SLC35F3: variants seen among roughly 807,000 people sequenced by gnomAD.
SLC35F3 encodes solute carrier family 35 member F3.
SLC35F3 carries 25 observed loss-of-function variants against 49.9 expected under a neutral mutation model. The observed-to-expected ratio is 0.50, with a 90% CI of 0.37 to 0.70. SLC35F3 has a LOEUF of 0.70. SLC35F3 is among the 30% of genes least tolerant of loss of function. SLC35F3 has a pLI of 0.00. For synonymous variants in SLC35F3, 275 were observed against 265.4 expected (o/e 1.04, Z -0.35); for missense variants, 525 against 639.8 (o/e 0.82, Z 1.94).
At chr1:234,201,871 C>A (rs1666904274) in intron 2 of SLC35F3, among the ~76,000 whole-genome samples, 1 of 148,608 alleles carries the variant, frequency 6.7e-6, no homozygotes, top group African/African-American at 2.5e-5. Context: ...CGAGACTGCG[C>A]CACTGCACTC....
At chr1:234,177,384 C>A (rs1666491891) in intron 2 of SLC35F3, among the ~76,000 whole-genome samples, 2 of 152,228 alleles carry the variant, frequency 1.3e-5, no homozygotes, top group African/African-American at 4.8e-5. Context: ...CATAAATACT[C>A]CTAAGAGGGA....
intron 2 of SLC35F3, among the ~76,000 whole-genome samples, chr1:233,931,803 A>G (rs1183655378): frequency 6.6e-6 from 1 of 152,252 alleles, no homozygotes; most frequent in Non-Finnish European, 1.5e-5. Flanking sequence ...GTATATACCC[A>G]AAGGATTATA....
chr1:234,091,920 G>A (rs2102877698), intron 2 of SLC35F3, among the ~76,000 whole-genome samples: 1 of 152,310 alleles, frequency 6.6e-6, no homozygotes, highest in South Asian at 2.1e-4. Flanking sequence ...CTACCTGCTT[G>A]GAGGCAGAAG....
rs186934186 is a variant in SLC35F3 at position 234,306,251 on chromosome 1, C to G, written c.609-2850C>G. Reference sequence around the variant, plus strand: ...TCTCAGCTCACTGCAACCTCCGCCTCCCGGGTTCAAGTGATTCTCCTGCCT... The same window carrying G: ...TCTCAGCTCACTGCAACCTCCGCCTGCCGGGTTCAAGTGATTCTCCTGCCT... On this transcript the variant is annotated intron_variant, in intron 3 of 7. Coordinates refer to ENST00000366618, the MANE Select transcript of SLC35F3 (RefSeq NM_173508.4). Among the ~76,000 whole-genome samples the G allele has an allele frequency of 4.7e-3, 721 of 152,274 alleles. 6 individuals are homozygous for G. The highest frequency in any genetic ancestry group is 0.015 in the African/African-American group (636 of 41,552).
chr1:234,204,960 T>G (rs1201591678), intron 2 of SLC35F3, among the ~76,000 whole-genome samples: 5 of 152,256 alleles, frequency 3.3e-5, no homozygotes, highest in African/African-American at 1.2e-4. Flanking sequence ...TCTCTCTCCC[T>G]TTTTCCTGCA....
Position 234,214,644 on chromosome 1 carries a change from G to A in SLC35F3, c.284-16773G>A, listed in dbSNP as rs920453178. 27 of 1,475,360 alleles carry A rather than the reference G, an allele frequency of 1.8e-5. No individual in the cohort carries two copies. The highest frequency in any genetic ancestry group is 1.7e-4 in the Middle Eastern group (1 of 5,778). 91.4% of individuals were successfully genotyped at this position (1,475,360 alleles called of 1,614,324 possible). A position where few individuals can be genotyped will look rare whatever the true frequency, so the allele number is the denominator to read the frequency against. Reference sequence around the variant, plus strand: ...GGGGAATGCTGCCACCCTGAGGGGGGCTGTCTGGCTGCGGGGCGCCGGGGC... The same window carrying A: ...GGGGAATGCTGCCACCCTGAGGGGGACTGTCTGGCTGCGGGGCGCCGGGGC... On this transcript the variant is annotated intron_variant, in intron 2 of 7. Coordinates refer to ENST00000366618, the MANE Select transcript of SLC35F3 (RefSeq NM_173508.4). The surrounding 1 kb of genome is among the most constrained non-coding windows in gnomAD (Gnocchi z 8.0).
chr1:233,961,613 C>T (rs1332346990), intron 2 of SLC35F3, among the ~76,000 whole-genome samples: 1 of 152,042 alleles, frequency 6.6e-6, no homozygotes, highest in East Asian at 1.9e-4. Context: ...CACACCACCA[C>T]ACCTGGCTAA....
At chr1:234,013,678 A>G (rs1663758775) in intron 2 of SLC35F3, among the ~76,000 whole-genome samples, 1 of 152,080 alleles carries the variant, frequency 6.6e-6, no homozygotes, top group African/African-American at 2.4e-5. Flanking sequence ...CAGAAACACA[A>G]AGGATTCTAA....
chr1:233,943,331 C>T (rs79438430), intron 2 of SLC35F3, among the ~76,000 whole-genome samples: 1,868 of 152,294 alleles, frequency 0.012, 29 homozygotes, highest in African/African-American at 0.042. Context: ...TAATCTTGTT[C>T]ACAGATATTT....
intron 2 of SLC35F3, among the ~76,000 whole-genome samples, chr1:234,067,595 C>G (rs1269621635): frequency 6.6e-6 from 1 of 152,112 alleles, no homozygotes; most frequent in East Asian, 1.9e-4. Flanking sequence ...TTCTCAGAAC[C>G]CTGAGACTAC....
intron 2 of SLC35F3, among the ~76,000 whole-genome samples, chr1:234,203,653 G>T (rs1666931316): frequency 6.6e-6 from 1 of 152,076 alleles, no homozygotes; most frequent in South Asian, 2.1e-4. Flanking sequence ...AGAGGTTGTG[G>T]TGAGCCGAGA....
At chr1:234,079,244 G>A (rs1377625427) in intron 2 of SLC35F3, among the ~76,000 whole-genome samples, 1 of 152,168 alleles carries the variant, frequency 6.6e-6, no homozygotes, top group African/African-American at 2.4e-5. Flanking sequence ...TCAACAAATG[G>A]TGCTGGGACA....
intron 3 of SLC35F3, among the ~76,000 whole-genome samples, chr1:234,250,653 CAAAAAAA>C (rs35486350): frequency 2.5e-5 from 2 of 81,508 alleles, no homozygotes; most frequent in Admixed American, 1.4e-4. Flanking sequence ...GACTCCGTCT[CAAAAAAA>C]AAAAAAAAAA....
intron 3 of SLC35F3, among the ~76,000 whole-genome samples, chr1:234,288,237 A>G (rs1418048706): frequency 6.6e-6 from 1 of 152,162 alleles, no homozygotes; most frequent in Admixed American, 6.6e-5. Context: ...CAACTACACC[A>G]TAATACAGAC....
At chr1:234,168,860 G>A (rs1666356187) in intron 2 of SLC35F3, among the ~76,000 whole-genome samples, 1 of 152,166 alleles carries the variant, frequency 6.6e-6, no homozygotes, top group African/African-American at 2.4e-5. Flanking sequence ...TTGGGAGCTG[G>A]GGGAGTCACA....
At chr1:234,315,063 A>G (rs1016963968) in intron 4 of SLC35F3, among the ~76,000 whole-genome samples, 3 of 152,134 alleles carry the variant, frequency 2.0e-5, no homozygotes, top group African/African-American at 7.2e-5. Context: ...TACACAGTAC[A>G]TGTAGCATTT....
intron 2 of SLC35F3, among the ~76,000 whole-genome samples, chr1:233,914,572 AC>A (rs1420336278): frequency 1.3e-5 from 2 of 152,156 alleles, no homozygotes; most frequent in African/African-American, 4.8e-5. Flanking sequence ...CTCGTGCATG[AC>A]AAAATAAGGA....
intron 3 of SLC35F3, among the ~76,000 whole-genome samples, chr1:234,243,571 A>G (rs1667588086): frequency 6.6e-6 from 1 of 152,224 alleles, no homozygotes; most frequent in Non-Finnish European, 1.5e-5. Context: ...TGCATTTTGC[A>G]GAATCCTTTT....
At chr1:234,099,998 C>A (rs1665190298) in intron 2 of SLC35F3, among the ~76,000 whole-genome samples, 1 of 152,196 alleles carries the variant, frequency 6.6e-6, no homozygotes, top group Non-Finnish European at 1.5e-5. Flanking sequence ...AATCCACATA[C>A]TACTTTATAT....
Sources: allele counts gnomAD v4.1 joint callset (sites outside exome capture counted in the v4.1 genomes callset), GRCh38; gene constraint gnomAD v4.1.1; non-coding constraint Gnocchi (gnomAD v3.1); transcripts MANE v1.5; gene names NCBI Gene and HGNC (gene_info 2026-07-23, HGNC 2026-07-21).